RPS6KC1: variants seen among roughly 807,000 people sequenced by gnomAD.
RPS6KC1 encodes the protein ribosomal protein S6 kinase C1.
RPS6KC1 carries 54 observed loss-of-function variants against 103.8 expected under a neutral mutation model. The observed-to-expected ratio is 0.52, with a 90% CI of 0.42 to 0.65. RPS6KC1 has a LOEUF of 0.65. Among genes scored for constraint, RPS6KC1 ranks in the 30% least tolerant of loss-of-function variants. The pLI, the probability that RPS6KC1 is intolerant of heterozygous loss-of-function variation, is 0.00. For synonymous variants in RPS6KC1, 439 were observed against 438.7 expected, an observed-to-expected ratio of 1.00 and a Z score of -0.01; for missense variants, 1,151 against 1,253.8, an observed-to-expected ratio of 0.92 and a Z score of 1.24.
chr1:213,609,103 T>G, the RPS6KC1 span, among the ~76,000 whole-genome samples: 1 of 152,178 alleles, frequency 6.6e-6, no homozygotes, highest in Non-Finnish European at 1.5e-5. Context: ...CATCCTTAAT[T>G]CTACTATCCA....
the RPS6KC1 span, among the ~76,000 whole-genome samples, chr1:213,326,371 T>C: frequency 6.6e-6 from 1 of 152,232 alleles, no homozygotes; most frequent in Non-Finnish European, 1.5e-5. Context: ...GAAGACATAA[T>C]GTGTCATAAT....
chr1:213,250,480 A>C (rs528200628), intron 12 of RPS6KC1, among the ~76,000 whole-genome samples: 2 of 152,218 alleles, frequency 1.3e-5, no homozygotes, highest in Non-Finnish European at 2.9e-5. Flanking sequence ...AATAGTATAA[A>C]ATAAGAAAAA....
the RPS6KC1 span, among the ~76,000 whole-genome samples, chr1:213,409,446 G>A: frequency 6.6e-6 from 1 of 152,028 alleles, no homozygotes; most frequent in Non-Finnish European, 1.5e-5. Flanking sequence ...AGAGGGACAA[G>A]GACAGGGGTG....
At chr1:213,072,903 C>T in intron 2 of RPS6KC1, 5 of 979,332 alleles carry the variant, frequency 5.1e-6, no homozygotes, top group Non-Finnish European at 6.1e-6. Flanking sequence ...CATGAACATA[C>T]TCTCTGCCAT....
the RPS6KC1 span, among the ~76,000 whole-genome samples, chr1:213,588,910 C>T: frequency 2.0e-5 from 3 of 152,212 alleles, no homozygotes; most frequent in African/African-American, 4.8e-5. Context: ...TCAGAGCAGG[C>T]ACCCAAAAGT....
chr1:213,291,047 A>G, the RPS6KC1 span, among the ~76,000 whole-genome samples: 1 of 152,206 alleles, frequency 6.6e-6, no homozygotes, highest in Admixed American at 6.5e-5. Context: ...TGTGGCTCCC[A>G]GGCAAGTTCT....
At chr1:213,098,339 A>C (rs996580799) in intron 3 of RPS6KC1, among the ~76,000 whole-genome samples, 3 of 135,394 alleles carry the variant, frequency 2.2e-5, no homozygotes, top group Non-Finnish European at 3.1e-5. Flanking sequence ...ACGGGGTTTC[A>C]CCATGTTACT....
the RPS6KC1 span, among the ~76,000 whole-genome samples, chr1:213,634,307 A>G: frequency 6.6e-6 from 1 of 152,194 alleles, no homozygotes; most frequent in East Asian, 1.9e-4. Flanking sequence ...CATTTATTCC[A>G]AAATTGACCA....
At chr1:213,305,213 T>C in the RPS6KC1 span, among the ~76,000 whole-genome samples, 1 of 152,012 alleles carries the variant, frequency 6.6e-6, no homozygotes, top group Non-Finnish European at 1.5e-5. Flanking sequence ...GCCTCCCGAG[T>C]AGCTGGGATT....
the RPS6KC1 span, among the ~76,000 whole-genome samples, chr1:213,380,059 T>C: frequency 1.8e-4 from 27 of 152,242 alleles, no homozygotes; most frequent in African/African-American, 6.0e-4. Context: ...CAATAGCCAA[T>C]ACATGGAATC....
At chr1:213,443,411 A>G in the RPS6KC1 span, among the ~76,000 whole-genome samples, 1 of 152,118 alleles carries the variant, frequency 6.6e-6, no homozygotes, top group Non-Finnish European at 1.5e-5. Flanking sequence ...ACAGTGTACA[A>G]CCTGCACAAC....
chr1:213,704,153 C>T, the RPS6KC1 span, among the ~76,000 whole-genome samples: 8 of 151,478 alleles, frequency 5.3e-5, no homozygotes, highest in Admixed American at 2.6e-4. Flanking sequence ...TTTGGGAGGC[C>T]GAGGCGGGCG....
the RPS6KC1 span, among the ~76,000 whole-genome samples, chr1:213,675,896 A>G: frequency 1.3e-5 from 2 of 151,942 alleles, no homozygotes; most frequent in Admixed American, 6.5e-5. Flanking sequence ...TTTTTAAAAA[A>G]GTATACATCT....
intron 8 of RPS6KC1, among the ~76,000 whole-genome samples, chr1:213,223,313 C>T (rs1043105188): frequency 6.6e-6 from 1 of 152,050 alleles, no homozygotes; most frequent in Non-Finnish European, 1.5e-5. Context: ...ATCCATTACT[C>T]GAGCAATGTA....
chr1:213,738,725 T>G, the RPS6KC1 span, among the ~76,000 whole-genome samples: 4 of 151,920 alleles, frequency 2.6e-5, no homozygotes, highest in African/African-American at 7.2e-5. Flanking sequence ...CCGGGTGTGG[T>G]GTCTCACTCC....
chr1:213,078,546 C>T (rs1025641692), intron 3 of RPS6KC1, among the ~76,000 whole-genome samples: 2 of 152,010 alleles, frequency 1.3e-5, no homozygotes, highest in African/African-American at 2.4e-5. Context: ...GGATTACAGG[C>T]GTCTGCCACC....
the RPS6KC1 span, among the ~76,000 whole-genome samples, chr1:213,313,101 T>C: frequency 6.6e-6 from 1 of 152,244 alleles, no homozygotes; most frequent in Non-Finnish European, 1.5e-5. Flanking sequence ...TTAATTGTTT[T>C]GCTGTTCTTA....
At chr1:213,360,349 C>T in the RPS6KC1 span, among the ~76,000 whole-genome samples, 5 of 152,158 alleles carry the variant, frequency 3.3e-5, no homozygotes, top group East Asian at 3.8e-4. Context: ...TTGATTGAAT[C>T]GGCTACTGAA....
At chr1:213,590,884 C>A in the RPS6KC1 span, among the ~76,000 whole-genome samples, 1 of 152,290 alleles carries the variant, frequency 6.6e-6, no homozygotes, top group Non-Finnish European at 1.5e-5. Context: ...TATCTCCTGG[C>A]AGTATCCTTC....
Sources: allele counts gnomAD v4.1 joint callset (sites outside exome capture counted in the v4.1 genomes callset), GRCh38; gene constraint gnomAD v4.1.1; transcripts MANE v1.5; gene names NCBI Gene and HGNC (gene_info 2026-07-23, HGNC 2026-07-21).